PSAP: variants seen among roughly 807,000 people sequenced by gnomAD.
The protein encoded by PSAP is precursor of saposins.
In PSAP, 25 loss-of-function variants were observed where a neutral mutation model predicts 66.0. The observed-to-expected ratio is 0.38, with a 90% CI of 0.28 to 0.53. The LOEUF is 0.53. PSAP is among the 20% of genes least tolerant of loss of function. PSAP has a pLI of 0.83. For missense variants in PSAP, 649 were observed against 668.8 expected, an observed-to-expected ratio of 0.97 and a Z score of 0.33; for synonymous variants, 273 against 258.9, an observed-to-expected ratio of 1.05 and a Z score of -0.52.
intron 1 of PSAP, among the ~76,000 whole-genome samples, chr10:71,846,442 A>C (rs968763458): frequency 6.6e-6 from 1 of 151,532 alleles, no homozygotes; most frequent in Non-Finnish European, 1.5e-5. Flanking sequence ...AAAAAAAAAA[A>C]AGCCAGGTGC....
chr10:71,828,819 GTCTCTCA>G, intron 5 of PSAP, 51 bp downstream of exon 5: 1 of 1,590,914 alleles, frequency 6.3e-7, no homozygotes, highest in Non-Finnish European at 8.6e-7. Flanking sequence ...TGTCCCTTTG[GTCTCTCA>G]TCTCCAGTGC....
chr10:71,820,476 G>A (rs1589447244), intron 8 of PSAP, 141 bp from the exon 9 acceptor site: 4 of 734,170 alleles, frequency 5.4e-6, no homozygotes, highest in Non-Finnish European at 1.0e-5. Context: ...CAAATGGCGT[G>A]TGGCTTCTAA....
rs569329024 is a variant in PSAP, at chr10:71,829,412, C to T, written c.376-335G>A. ...GTGGGAGGTAACTGAATCACGGGGG[C>T]GGGTTTTCCCATGCTGTTTAGTGAT... On this transcript the variant is annotated intron_variant, in intron 4 of 13. Transcript: ENST00000394936. 2.6e-4 allele frequency among the ~76,000 whole-genome samples: 40 copies of T among 152,178 alleles called. 1 individual carries two copies. The South Asian group carries it at 6.0e-3, about 23-fold the overall frequency.
chr10:71,834,243 G>C (rs773910910), intron 2 of PSAP, 129 bp downstream of exon 2: 71 of 1,441,606 alleles, frequency 4.9e-5, no homozygotes, highest in Non-Finnish European at 6.3e-5. Flanking sequence ...CTCCCACACA[G>C]AGTCACAGTG....
chr10:71,834,894 T>C lies in PSAP; in HGVS notation c.41-389A>G, dbSNP rs150905743. 6.2e-3 allele frequency among the ~76,000 whole-genome samples: 939 copies of C among 152,308 alleles called. 8 individuals carry two copies. The highest frequency in any genetic ancestry group is 0.018 in the African/African-American group (750 of 41,558). Reference sequence around the variant, plus strand: ...AACAAATTCAAATACAGGGAAGATTTTGACTTCTGTAAAATGGATAACAAC... The same window carrying C: ...AACAAATTCAAATACAGGGAAGATTCTGACTTCTGTAAAATGGATAACAAC... On this transcript the variant is annotated intron_variant, in intron 1 of 13. Coordinates refer to ENST00000394936, the MANE Select transcript of PSAP (RefSeq NM_002778.4).
intron 11 of PSAP, 24 bp from the exon 12 acceptor site, chr10:71,819,135 G>A: frequency 6.2e-7 from 1 of 1,601,200 alleles, no homozygotes; most frequent in Non-Finnish European, 8.6e-7. Context: ...TGGGGACACA[G>A]GTCCAGCTCT....
chr10:71,828,130 T>G lies in PSAP; in HGVS notation c.604A>C (p.Ile202Leu). 1 of 1,614,198 alleles carries G rather than the reference T, an allele frequency of 6.2e-7. No individual in the cohort carries two copies. Among genetic ancestry groups the G allele is most frequent in the South Asian group, 1.1e-5 (1 of 91,080 alleles). Reference sequence around the variant, plus strand: ...GTCTGGATGTCAGTCACCATCTGAATGCAGTCCTGGCAAACGTCCCCATTA... The same window carrying G: ...GTCTGGATGTCAGTCACCATCTGAAGGCAGTCCTGGCAAACGTCCCCATTA... Reference protein sequence around the residue: ...KDNGDVCQDCIQMVTDIQTAV... With the variant: ...KDNGDVCQDCLQMVTDIQTAV... The change falls in exon 6 of 14, where the codon ATT (isoleucine) becomes CTT (leucine). Residue 202 changes from isoleucine to leucine, a missense_variant. Transcript: ENST00000394936.
chr10:71,839,426 G>T (rs1842689262), intron 1 of PSAP, among the ~76,000 whole-genome samples: 1 of 152,032 alleles, frequency 6.6e-6, no homozygotes, highest in Non-Finnish European at 1.5e-5. Context: ...TTTTAGTAGA[G>T]ACAGGGTTTT....
chr10:71,844,021 T>C (rs950354127), intron 1 of PSAP, among the ~76,000 whole-genome samples: 1 of 152,236 alleles, frequency 6.6e-6, no homozygotes, highest in African/African-American at 2.4e-5. Flanking sequence ...TGTGTTAGCA[T>C]GAAATTACCT....
intron 1 of PSAP, among the ~76,000 whole-genome samples, chr10:71,840,256 GGCA>G (rs1326871373): frequency 6.6e-6 from 1 of 152,142 alleles, no homozygotes; most frequent in Non-Finnish European, 1.5e-5. Flanking sequence ...CATTCCACAG[GGCA>G]GCAGATCTGC....
intron 4 of PSAP, among the ~76,000 whole-genome samples, chr10:71,829,779 G>A (rs1336992252): frequency 3.9e-5 from 6 of 152,040 alleles, no homozygotes; most frequent in South Asian, 4.2e-4. Context: ...CGGGCGGATC[G>A]CCTGAGGTCA....
At chr10:71,839,742 T>C (rs1295968496) in intron 1 of PSAP, among the ~76,000 whole-genome samples, 1 of 151,956 alleles carries the variant, frequency 6.6e-6, no homozygotes, top group Non-Finnish European at 1.5e-5. Flanking sequence ...TAATCCCAGC[T>C]ACTCAGGAGG....
intron 9 of PSAP, 22 bp downstream of exon 9, chr10:71,820,218 C>A: frequency 6.3e-7 from 1 of 1,592,826 alleles, no homozygotes; most frequent in South Asian, 1.1e-5. Flanking sequence ...GAGGCCCTCC[C>A]TCTGCCAGGA....
Position 71,845,345 on chromosome 10 carries a change from C to G in PSAP, c.40+5837G>C, listed in dbSNP as rs557354119. 2.0e-3 allele frequency among the ~76,000 whole-genome samples: 306 copies of G among 152,302 alleles called. 11 individuals carry two copies. The highest frequency in any genetic ancestry group is 1.9e-3 in the Non-Finnish European group (128 of 68,040). On this transcript the variant is annotated intron_variant, in intron 1 of 13. Transcript: ENST00000394936. ...GGAAGGTGGCTCTCTACGGGGGCAG[C>G]TGGGTTATCAGGTTCCATTTCTTAA...
intron 10 of PSAP, 27 bp from the exon 11 acceptor site, chr10:71,819,649 G>C (rs201461609): frequency 1.2e-6 from 2 of 1,613,940 alleles, no homozygotes; most frequent in African/African-American, 2.7e-5. Context: ...CGGGCTCAAC[G>C]CTGGCAGGGC....
At chr10:71,837,408 G>A (rs1842646473) in intron 1 of PSAP, among the ~76,000 whole-genome samples, 1 of 152,228 alleles carries the variant, frequency 6.6e-6, no homozygotes, top group Non-Finnish European at 1.5e-5. Flanking sequence ...CAGTGGGTCA[G>A]AACCTTTTGG....
chr10:71,846,674 G>A (rs924384036), intron 1 of PSAP, among the ~76,000 whole-genome samples: 3 of 145,982 alleles, frequency 2.1e-5, no homozygotes, highest in Non-Finnish European at 4.5e-5. Flanking sequence ...GGAGGTTGCA[G>A]TGAGCTGAGA....
chr10:71,835,548 GAGCTACCA>G (rs781262105), intron 1 of PSAP, among the ~76,000 whole-genome samples: 15 of 152,062 alleles, frequency 9.9e-5, no homozygotes, highest in Non-Finnish European at 4.4e-5. Context: ...CTCCAGCGGT[GAGCTACCA>G]TACCTAGCCC....
chr10:71,846,425 T>TAAAA (rs397943634), intron 1 of PSAP, among the ~76,000 whole-genome samples: 1 of 115,890 alleles, frequency 8.6e-6, no homozygotes, highest in African/African-American at 3.0e-5. Flanking sequence ...TTAAAGCCCT[T>TAAAA]AAAAAAAAAA....
Sources: allele counts gnomAD v4.1 joint callset (sites outside exome capture counted in the v4.1 genomes callset), GRCh38; gene constraint gnomAD v4.1.1; transcripts MANE v1.5; gene names NCBI Gene and HGNC (gene_info 2026-07-23, HGNC 2026-07-21).